The following TPST1 variants were observed in gnomAD, a reference collection of about 807,000 sequenced individuals.
TPST1 encodes protein-tyrosine sulfotransferase 1.
In TPST1, 20 loss-of-function variants were observed where a neutral mutation model predicts 34.8. The observed-to-expected ratio is 0.57, with a 90% CI of 0.40 to 0.84. The LOEUF is 0.84. Among genes scored for constraint, TPST1 ranks in the 40% least tolerant of loss-of-function variants. TPST1 has a pLI of 0.00. For synonymous variants in TPST1, 152 were observed against 159.4 expected, an observed-to-expected ratio of 0.95 and a Z score of 0.35; for missense variants, 353 against 455.5, an observed-to-expected ratio of 0.78 and a Z score of 2.05.
At chr7:66,211,566 G>T (rs1789243947) in intron 1 of TPST1, among the ~76,000 whole-genome samples, 1 of 152,234 alleles carries the variant, frequency 6.6e-6, no homozygotes, top group South Asian at 2.1e-4. Flanking sequence ...GTTGATAAGT[G>T]ATATAAAACA....
At chr7:66,245,447 C>T (rs1286002267) in intron 2 of TPST1, among the ~76,000 whole-genome samples, 1 of 152,200 alleles carries the variant, frequency 6.6e-6, no homozygotes, top group Non-Finnish European at 1.5e-5. Context: ...GATCAGACAT[C>T]ACCTGGAGGG....
At chr7:66,224,673 C>T (rs891556616) in intron 1 of TPST1, among the ~76,000 whole-genome samples, 6 of 151,974 alleles carry the variant, frequency 3.9e-5, no homozygotes, top group Admixed American at 3.9e-4. Context: ...GTTGACTGAT[C>T]CTGTTTTTGG....
chr7:66,306,810 T>C (rs1791432485), intron 3 of TPST1, among the ~76,000 whole-genome samples: 1 of 152,192 alleles, frequency 6.6e-6, no homozygotes, highest in African/African-American at 2.4e-5. Context: ...CCTCCCGGGT[T>C]GAAGCGACTC....
At chr7:66,301,815 C>CAATAATGA (rs1791324329) in intron 3 of TPST1, among the ~76,000 whole-genome samples, 1 of 152,186 alleles carries the variant, frequency 6.6e-6, no homozygotes, top group Non-Finnish European at 1.5e-5. Flanking sequence ...ATCACCGTAA[C>CAATAATGA]AGATACAATA....
intron 2 of TPST1, among the ~76,000 whole-genome samples, chr7:66,263,055 G>A (rs896154425): frequency 3.3e-5 from 5 of 151,886 alleles, no homozygotes; most frequent in Non-Finnish European, 7.4e-5. Context: ...AGCCCAGATC[G>A]TGCCACTGCA....
At chr7:66,325,606 A>C (rs1011336750) in intron 3 of TPST1, among the ~76,000 whole-genome samples, 2 of 150,968 alleles carry the variant, frequency 1.3e-5, no homozygotes, top group Non-Finnish European at 1.5e-5. Context: ...GACATGTGCC[A>C]CTGTGCCCAG....
chr7:66,316,808 C>T lies in TPST1; in HGVS notation c.1044+30099C>T, dbSNP rs80320915. Reference sequence around the variant, plus strand: ...TGTTCTACATATTGCAAAAATTATTCATTTTTCACAGGAACAGAAAACCAG... The same window carrying T: ...TGTTCTACATATTGCAAAAATTATTTATTTTTCACAGGAACAGAAAACCAG... On this transcript the variant is annotated intron_variant, in intron 3 of 5. Transcript: ENST00000304842. Among the ~76,000 whole-genome samples, 685 of 152,280 alleles carry T rather than the reference C, an allele frequency of 4.5e-3. 3 individuals are homozygous for T. The highest frequency in any genetic ancestry group is 7.6e-3 in the Non-Finnish European group (517 of 68,012).
chr7:66,260,492 T>C (rs377290881), intron 2 of TPST1, among the ~76,000 whole-genome samples: 4 of 152,224 alleles, frequency 2.6e-5, no homozygotes, highest in East Asian at 1.9e-4. Context: ...GTGGAATAAC[T>C]GTTTTAATGC....
upstream of TPST1, among the ~76,000 whole-genome samples, chr7:66,201,752 C>T (rs1789037865): frequency 6.6e-6 from 1 of 151,100 alleles, no homozygotes. Context: ...ACTCAGGAGG[C>T]TGAGGTGGGA....
chr7:66,230,762 G>T (rs1183395795), intron 1 of TPST1, among the ~76,000 whole-genome samples: 2 of 152,130 alleles, frequency 1.3e-5, no homozygotes, highest in Non-Finnish European at 2.9e-5. Flanking sequence ...TGCTGGCTTG[G>T]GCAGCCTGCT....
intron 1 of TPST1, among the ~76,000 whole-genome samples, chr7:66,238,859 C>T (rs1789965516): frequency 6.6e-6 from 1 of 152,166 alleles, no homozygotes; most frequent in Non-Finnish European, 1.5e-5. Context: ...GTCTGTTTCC[C>T]ACTGTATACC....
chr7:66,249,202 T>TA (rs1002042345), intron 2 of TPST1, among the ~76,000 whole-genome samples: 11 of 151,864 alleles, frequency 7.2e-5, no homozygotes, highest in Admixed American at 2.0e-4. Context: ...CTGTTTTTTT[T>TA]AAAAAAATTC....
intron 2 of TPST1, among the ~76,000 whole-genome samples, chr7:66,249,542 G>C (rs538447896): frequency 5.9e-4 from 90 of 152,244 alleles, no homozygotes; most frequent in African/African-American, 2.1e-3. Flanking sequence ...ACCTTTAAAA[G>C]ACCTAAAATT....
chr7:66,247,423 G>GAAC (rs367697895), intron 2 of TPST1, among the ~76,000 whole-genome samples: 2,040 of 152,104 alleles, frequency 0.013, 44 homozygotes, highest in African/African-American at 0.046. Context: ...GCAAAACTCT[G>GAAC]AACAACAACA....
chr7:66,323,892 T>G (rs1197857670), intron 3 of TPST1, among the ~76,000 whole-genome samples: 1 of 152,164 alleles, frequency 6.6e-6, no homozygotes, highest in Non-Finnish European at 1.5e-5. Flanking sequence ...TCCACTTCTG[T>G]GTATATATAC....
At chr7:66,259,336 TATTATC>T (rs948006296) in intron 2 of TPST1, among the ~76,000 whole-genome samples, 3 of 152,310 alleles carry the variant, frequency 2.0e-5, no homozygotes, top group African/African-American at 7.2e-5. Flanking sequence ...TCATAATCCT[TATTATC>T]ATTTTCAATC....
At chr7:66,315,751 G>A (rs1247271321) in intron 3 of TPST1, among the ~76,000 whole-genome samples, 2 of 152,166 alleles carry the variant, frequency 1.3e-5, no homozygotes, top group Non-Finnish European at 2.9e-5. Flanking sequence ...TACGGAGGGA[G>A]TAGGGGTGAT....
chr7:66,354,746 A>G (rs1324754509), intron 4 of TPST1, among the ~76,000 whole-genome samples: 1 of 152,172 alleles, frequency 6.6e-6, no homozygotes, highest in African/African-American at 2.4e-5. Flanking sequence ...CACGCTTGTA[A>G]TCCCAGCACT....
At chr7:66,213,448 T>A (rs1189860713) in intron 1 of TPST1, among the ~76,000 whole-genome samples, 3 of 152,026 alleles carry the variant, frequency 2.0e-5, no homozygotes, top group Non-Finnish European at 4.4e-5. Context: ...GTTTAAAGAG[T>A]GTATGTAATG....
Sources: gnomAD v4.1 joint callset for allele counts (sites outside exome capture counted in the v4.1 genomes callset) on GRCh38, gnomAD v4.1.1 for gene constraint, MANE v1.5 for transcripts, NCBI Gene and HGNC (gene_info 2026-07-23, HGNC 2026-07-21) for gene names.